XXYLT1: variants seen among roughly 807,000 people sequenced by gnomAD.
XXYLT1 encodes xyloside xylosyltransferase 1, also known as UDP-xylose:alpha-xyloside alpha-1,3-xylosyltransferase.
Under a neutral mutation model 28.9 loss-of-function variants are expected in XXYLT1, and 20 were observed. The observed-to-expected ratio is 0.69, with a 90% CI of 0.49 to 1.00. The LOEUF (loss-of-function observed/expected upper bound fraction) is 1.00. Among genes scored for constraint, XXYLT1 ranks in the 50% least tolerant of loss-of-function variants. XXYLT1 has a pLI of 0.00. For synonymous variants in XXYLT1, 257 were observed against 253.8 expected, an observed-to-expected ratio of 1.01 and a Z score of -0.12; for missense variants, 542 against 560.1, an observed-to-expected ratio of 0.97 and a Z score of 0.33.
chr3:195,265,542 A>G lies in XXYLT1; in HGVS notation c.504+5013T>C, dbSNP rs1045622604. ...TTGCTGTGCTCCATGGAGGCCATAC[A>G]AGCAGTGGCTGGTGGGCCCCACCGC... On this transcript the variant is annotated intron_variant, in intron 1 of 3. Transcript: ENST00000310380. 3.3e-4 allele frequency among the ~76,000 whole-genome samples: 51 copies of G among 152,332 alleles called. No individual in the cohort carries two copies. In the Middle Eastern group the frequency reaches 0.017, roughly 51 times the overall value.
rs561162135 is a variant in XXYLT1 at position 195,129,873 on chromosome 3, T to C, written c.785+26576A>G. Among the ~76,000 whole-genome samples, 1 of 152,296 alleles carries C rather than the reference T, an allele frequency of 6.6e-6. No individual in the cohort carries two copies. Among genetic ancestry groups the C allele is most frequent in the Admixed American group, 6.5e-5 (1 of 15,298 alleles). ...GAACGGCTGGTCAGGGTCACTAAGT[T>C]TGTGAACAGCCAGACTGTTCTTCAG... On this transcript the variant is annotated intron_variant, in intron 3 of 3. Transcript: ENST00000310380. This position sits in a 1 kb window ranked among gnomAD's most constrained non-coding sequence, Gnocchi z 4.4.
chr3:195,170,654 G>A (rs1253777998), intron 2 of XXYLT1, among the ~76,000 whole-genome samples: 1 of 152,186 alleles, frequency 6.6e-6, no homozygotes, highest in African/African-American at 2.4e-5. Flanking sequence ...AAGAGCAGAT[G>A]CTCTGAGTAT....
chr3:195,144,322 G>C (rs1003009120), intron 3 of XXYLT1, among the ~76,000 whole-genome samples: 2 of 152,010 alleles, frequency 1.3e-5, no homozygotes, highest in South Asian at 4.2e-4. Context: ...GTTGATTTGT[G>C]GGTTTTTTCA....
intron 2 of XXYLT1, among the ~76,000 whole-genome samples, chr3:195,160,196 C>T (rs1483184402): frequency 2.0e-5 from 3 of 152,146 alleles, no homozygotes; most frequent in Non-Finnish European, 2.9e-5. Context: ...AAAAGCAACA[C>T]GCAACAAAAT....
chr3:195,082,214 G>A (rs1053896268), intron 3 of XXYLT1, among the ~76,000 whole-genome samples: 5 of 152,314 alleles, frequency 3.3e-5, no homozygotes, highest in Non-Finnish European at 2.9e-5. Context: ...TGGCGGGCGC[G>A]TAAGGCAACC....
At chr3:195,193,834 A>T (rs1722518728) in intron 2 of XXYLT1, among the ~76,000 whole-genome samples, 1 of 152,234 alleles carries the variant, frequency 6.6e-6, no homozygotes, top group Admixed American at 6.5e-5. Context: ...TTAGATATAC[A>T]AATGCAAAAA....
At chr3:195,248,432 G>C (rs927401625) in intron 1 of XXYLT1, among the ~76,000 whole-genome samples, 8 of 152,256 alleles carry the variant, frequency 5.3e-5, no homozygotes, top group Admixed American at 3.9e-4. Flanking sequence ...CATGAAATCT[G>C]ATGGTTCCGT....
Position 195,240,724 on chromosome 3 carries a change from G to A in XXYLT1, c.505-13868C>T, listed in dbSNP as rs896801129. ...CCCCCAGCACAGCTATTGGAGGGAA[G>A]GTGGTGGCACAAAGCTCAGGCACAC... On this transcript the variant is annotated intron_variant, in intron 1 of 3. Transcript: ENST00000310380. The surrounding 1 kb of genome is among the most constrained non-coding windows in gnomAD (Gnocchi z 4.7). Among the ~76,000 whole-genome samples, 6 of 152,202 alleles carry A rather than the reference G, an allele frequency of 3.9e-5. No individual in the cohort carries two copies. The highest frequency in any genetic ancestry group is 1.4e-4 in the African/African-American group (6 of 41,454).
intron 2 of XXYLT1, among the ~76,000 whole-genome samples, chr3:195,161,594 C>T (rs549464754): frequency 3.3e-5 from 5 of 151,548 alleles, no homozygotes; most frequent in South Asian, 4.2e-4. Context: ...CTTGTATCAC[C>T]GAATCATCTA....
At chr3:195,211,413 G>A (rs1446334792) in intron 2 of XXYLT1, among the ~76,000 whole-genome samples, 1 of 152,154 alleles carries the variant, frequency 6.6e-6, no homozygotes, top group Non-Finnish European at 1.5e-5. Context: ...AAAGGGCGAA[G>A]GCAGTGAGCC....
chr3:195,185,819 C>T (rs1722174773), intron 2 of XXYLT1, among the ~76,000 whole-genome samples: 1 of 152,152 alleles, frequency 6.6e-6, no homozygotes, highest in Non-Finnish European at 1.5e-5. Context: ...CATCTACATA[C>T]CTGGACACTC....
rs117488424 is a variant in XXYLT1 at position 195,189,457 on chromosome 3, G to A, written c.653-32876C>T. ...GGAATTATAAGAGATTTAAAAAATA[G>A]GAAAGTGTGACCCACACTCAGGAAA... On this transcript the variant is annotated intron_variant, in intron 2 of 3. Coordinates refer to ENST00000310380, the MANE Select transcript of XXYLT1 (RefSeq NM_152531.5). 1.1e-4 allele frequency among the ~76,000 whole-genome samples: 16 copies of A among 152,218 alleles called. No individual in the cohort carries two copies. In the East Asian group the frequency reaches 3.1e-3, roughly 29 times the overall value.
rs1283196655 is a variant in XXYLT1 at position 195,270,845 on chromosome 3, C to G, written c.214G>C (p.Glu72Gln). ...GGCGCCACGGAGCCCCGCGCTAGCTCCAGCGCGGGCGGCGAGGGCGCGGCG... is the reference window on the plus strand; with the variant it reads ...GGCGCCACGGAGCCCCGCGCTAGCTGCAGCGCGGGCGGCGAGGGCGCGGCG... ...APAAPSPPALELARGSVAPAP... is the reference protein window; with the variant it reads ...APAAPSPPALQLARGSVAPAP... The change falls in exon 1 of 4, where the codon GAG (glutamate) becomes CAG (glutamine). Residue 72 changes from glutamate to glutamine, a missense_variant. Physicochemically the swap from Glu to Gln is conservative, Grantham distance 29. Coordinates refer to ENST00000310380, the MANE Select transcript of XXYLT1 (RefSeq NM_152531.5). 18 of 1,424,170 alleles carry G rather than the reference C, an allele frequency of 1.3e-5. No individual in the cohort carries two copies. The highest frequency in any genetic ancestry group is 4.5e-5 in the African/African-American group (3 of 66,560). 88.2% of individuals were successfully genotyped at this position (1,424,170 alleles called of 1,614,324 possible).
Position 195,133,941 on chromosome 3 carries a change from G to A in XXYLT1, c.785+22508C>T, listed in dbSNP as rs1375344797. Among the ~76,000 whole-genome samples, 2 of 152,166 alleles carry A rather than the reference G, an allele frequency of 1.3e-5. No individual in the cohort carries two copies. Among genetic ancestry groups the A allele is most frequent in the Non-Finnish European group, 2.9e-5 (2 of 68,044 alleles). ...AAGTATTTACTTTTGGCTGGGTGTGGAGGCTCATGCCTGTAATCCTGGCAC... is the reference window on the plus strand; with the variant it reads ...AAGTATTTACTTTTGGCTGGGTGTGAAGGCTCATGCCTGTAATCCTGGCAC... On this transcript the variant is annotated intron_variant, in intron 3 of 3. Transcript: ENST00000310380. The surrounding 1 kb of genome is among the most constrained non-coding windows in gnomAD (Gnocchi z 4.4).
rs374537163 is a variant in XXYLT1, at chr3:195,182,695, T to C, written c.653-26114A>G. On this transcript the variant is annotated intron_variant, in intron 2 of 3. Coordinates refer to ENST00000310380, the MANE Select transcript of XXYLT1 (RefSeq NM_152531.5). ...AGAGTGTAGATCTTAATACAAAAAG[T>C]CACTGACGAAAGGAAGGAAATTAAT... 2.6e-4 allele frequency among the ~76,000 whole-genome samples: 39 copies of C among 149,964 alleles called. No homozygotes were observed. In the East Asian group the frequency reaches 3.3e-3, roughly 13 times the overall value.
chr3:195,199,284 TCTC>T (rs775340135), intron 2 of XXYLT1, among the ~76,000 whole-genome samples: 7 of 152,060 alleles, frequency 4.6e-5, no homozygotes, highest in Non-Finnish European at 1.0e-4. Context: ...CTCCTCCAAA[TCTC>T]CTTTGCGGTT....
Position 195,143,837 on chromosome 3 carries a change from GAT to G in XXYLT1, c.785+12610_785+12611del, listed in dbSNP as rs1491130099. On this transcript the variant is annotated intron_variant, in intron 3 of 3. Coordinates refer to ENST00000310380, the MANE Select transcript of XXYLT1 (RefSeq NM_152531.5). Reference sequence around the variant, plus strand: ...ATAGATATAGATATATATAGATATAGATATAGATATATATATAGATATATATA... The same window carrying G: ...ATAGATATAGATATATATAGATATAGATAGATATATATATAGATATATATA... Among the ~76,000 whole-genome samples, 14 of 70,416 alleles carry G rather than the reference GAT, an allele frequency of 2.0e-4. 1 individual carries two copies. The East Asian group carries it at 6.9e-3, about 35-fold the overall frequency. 46.2% of individuals were successfully genotyped at this position (70,416 alleles called of 152,430 possible).
chr3:195,262,392 A>T (rs1725723262), intron 1 of XXYLT1, among the ~76,000 whole-genome samples: 1 of 152,202 alleles, frequency 6.6e-6, no homozygotes, highest in Non-Finnish European at 1.5e-5. Context: ...GTGTTCTAGA[A>T]TCAGTGGTCA....
At chr3:195,179,112 C>T (rs190113824) in intron 2 of XXYLT1, among the ~76,000 whole-genome samples, 35 of 152,014 alleles carry the variant, frequency 2.3e-4, no homozygotes, top group Middle Eastern at 3.4e-3. Context: ...GAGGCCGAGG[C>T]GGGCGGATCA....
Sources: allele counts gnomAD v4.1 joint callset (sites outside exome capture counted in the v4.1 genomes callset), GRCh38; gene constraint gnomAD v4.1.1; non-coding constraint Gnocchi (gnomAD v3.1); transcripts MANE v1.5; gene names NCBI Gene and HGNC (gene_info 2026-07-23, HGNC 2026-07-21).